The following PLCE1 variants were observed in gnomAD, a reference collection of about 807,000 sequenced individuals.
PLCE1 encodes phospholipase C epsilon 1, also known as 1-phosphatidylinositol 4,5-bisphosphate phosphodiesterase epsilon-1.
A neutral mutation model predicts 242.8 loss-of-function variants in PLCE1; 119 were observed. The observed-to-expected ratio is 0.49, with a 90% CI of 0.42 to 0.57. The LOEUF is 0.57. Among genes scored for constraint, PLCE1 ranks in the 20% least tolerant of loss-of-function variants. The probability of loss-of-function intolerance (pLI) is 0.00; values close to 1 mark genes in which losing one functional copy is unlikely to be tolerated. For missense variants in PLCE1, 2,441 were observed against 2,788.8 expected (o/e 0.88, Z 2.81); for synonymous variants, 945 against 1,017.4 (o/e 0.93, Z 1.35).
At chr10:94,284,764 G>A (rs2052376282) in intron 21 of PLCE1, 84 bp from the exon 22 acceptor site, 2 of 795,128 alleles carry the variant, frequency 2.5e-6, no homozygotes, top group South Asian at 1.4e-5. Flanking sequence ...AACACCAGAG[G>A]AGGACAGATA....
intron 22 of PLCE1, among the ~76,000 whole-genome samples, chr10:94,291,535 G>A (rs138398282): frequency 2.2e-3 from 329 of 152,270 alleles, no homozygotes; most frequent in African/African-American, 7.4e-3. Flanking sequence ...ACCTTGACTT[G>A]AACAGTTATG....
chr10:94,023,168 T>C (rs1935960), intron 1 of PLCE1, among the ~76,000 whole-genome samples: 21,229 of 152,094 alleles, frequency 0.14, 1,632 homozygotes, highest in East Asian at 0.22. Context: ...TTAAGCTGAA[T>C]GATGGAGTCA....
In PLCE1 at chr10:94,234,047, G is replaced by C; in HGVS notation, c.1956-7G>C. The C allele has an allele frequency of 6.8e-6, 11 of 1,611,646 alleles. No individual in the cohort carries two copies. Among genetic ancestry groups the C allele is most frequent in the Non-Finnish European group, 9.3e-6 (11 of 1,177,932 alleles). On this transcript the variant is annotated splice_polypyrimidine_tract_variant and splice_region_variant and intron_variant, in intron 5 of 32. Coordinates refer to ENST00000371380, the MANE Select transcript of PLCE1 (RefSeq NM_016341.4). ...TCAGTCTGAAAAATGTCATTTACTT[G>C]CAATAGGTCAAGAAAAGTTTTAAAA...
intron 2 of PLCE1, among the ~76,000 whole-genome samples, chr10:94,040,418 G>A (rs2061742900): frequency 1.3e-5 from 2 of 151,672 alleles, no homozygotes; most frequent in African/African-American, 4.9e-5. Context: ...GGCTGGGAAT[G>A]AGATTGTCAG....
chr10:94,304,584 A>G lies in PLCE1; in HGVS notation c.5561A>G (p.Gln1854Arg). Residue 1854 changes from glutamine (Q) to arginine (R), a missense_variant, in exon 25 of 33, where the codon CAG becomes CGG. By Grantham distance (43) the Gln-to-Arg change is conservative. Coordinates refer to ENST00000371380, the MANE Select transcript of PLCE1 (RefSeq NM_016341.4). The part of the protein sequence containing the change: ...VLWDKNCPMY[Q>R]KFSPLERDLD... ...TGGGACAAGAACTGCCCCATGTATC[A>G]GAAGTTTTCTCCACTAGAAAGAGAT... 6.2e-7 allele frequency: 1 copy of G among 1,614,124 alleles called. No homozygotes were observed. The highest frequency in any genetic ancestry group is 1.1e-5 in the South Asian group (1 of 91,088).
At chr10:94,043,000 C>T (rs778937246) in intron 2 of PLCE1, among the ~76,000 whole-genome samples, 2 of 152,192 alleles carry the variant, frequency 1.3e-5, no homozygotes, top group Non-Finnish European at 2.9e-5. Context: ...AAAGACATGA[C>T]TCAGTAGCAT....
chr10:94,255,955 C>A (rs1564834575), intron 11 of PLCE1, among the ~76,000 whole-genome samples: 1 of 139,316 alleles, frequency 7.2e-6, no homozygotes, highest in African/African-American at 2.6e-5. Context: ...CTCTCTCTCT[C>A]TCCCCACCCC....
At chr10:94,228,152 A>G (rs2050012415) in intron 5 of PLCE1, among the ~76,000 whole-genome samples, 1 of 152,186 alleles carries the variant, frequency 6.6e-6, no homozygotes, top group Non-Finnish European at 1.5e-5. Context: ...TGCTTTTTCC[A>G]TCAAGCTAAT....
intron 4 of PLCE1, among the ~76,000 whole-genome samples, chr10:94,181,768 A>G (rs2048319300): frequency 7.0e-6 from 1 of 143,110 alleles, no homozygotes; most frequent in Non-Finnish European, 1.5e-5. Flanking sequence ...AAATTAAAAA[A>G]TTGACAGGGC....
intron 4 of PLCE1, among the ~76,000 whole-genome samples, chr10:94,184,447 A>C (rs1024897082): frequency 6.6e-5 from 10 of 152,196 alleles, no homozygotes; most frequent in African/African-American, 2.2e-4. Flanking sequence ...GTCCTGCCTC[A>C]GCCTCTCTAG....
At chr10:94,283,976 G>T in intron 21 of PLCE1, 65 bp downstream of exon 21, 2 of 1,561,302 alleles carry the variant, frequency 1.3e-6, no homozygotes, top group Non-Finnish European at 1.8e-6. Context: ...TTTCAGATGA[G>T]ATTCCACTTG....
rs1202986485 is a variant in PLCE1, at chr10:94,119,372, C to T, written c.1207-12802C>T. On this transcript the variant is annotated intron_variant, in intron 2 of 32. Transcript: ENST00000371380. ...ATAACCCTCCAGCTGTATGCATGTC[C>T]ATATAGCTTGCATAGGTAGTTTGCT... is the stretch of plus-strand genomic sequence containing the variant. Among the ~76,000 whole-genome samples the T allele has an allele frequency of 2.0e-5, 3 of 152,072 alleles. No individual in the cohort carries two copies. In the South Asian group the frequency reaches 6.2e-4, roughly 31 times the overall value.
At chr10:94,003,271 A>T (rs2060966432) in intron 1 of PLCE1, among the ~76,000 whole-genome samples, 1 of 152,356 alleles carries the variant, frequency 6.6e-6, no homozygotes, top group East Asian at 1.9e-4. Flanking sequence ...CTTTTGGTTT[A>T]AAATAGTTTA....
At chr10:94,204,582 G>T (rs547514187) in intron 4 of PLCE1, among the ~76,000 whole-genome samples, 35 of 152,206 alleles carry the variant, frequency 2.3e-4, no homozygotes, top group African/African-American at 7.9e-4. Context: ...GCAGAGAATT[G>T]CTTGAACCCA....
chr10:94,003,918 C>T (rs1274621787), intron 1 of PLCE1, among the ~76,000 whole-genome samples: 2 of 152,038 alleles, frequency 1.3e-5, no homozygotes, highest in South Asian at 4.1e-4. Context: ...GAGGCTGAGG[C>T]GGGTGGATCA....
intron 2 of PLCE1, among the ~76,000 whole-genome samples, chr10:94,066,310 G>C (rs1459923869): frequency 2.0e-5 from 3 of 152,166 alleles, no homozygotes; most frequent in East Asian, 1.9e-4. Context: ...CAGGCACAAT[G>C]CTTGGCACAT....
chr10:94,108,882 T>C (rs1186715169), intron 2 of PLCE1: 1 of 152,260 alleles, frequency 6.6e-6, no homozygotes, highest in Non-Finnish European at 1.5e-5. Flanking sequence ...CCTCTTTGTA[T>C]GTTACTGCAT....
chr10:94,071,251 ACAC>A (rs1046587613), intron 2 of PLCE1, among the ~76,000 whole-genome samples: 1 of 152,058 alleles, frequency 6.6e-6, no homozygotes, highest in Non-Finnish European at 1.5e-5. Flanking sequence ...TGTCCCTCTC[ACAC>A]CATCCTGGCT....
At chr10:94,003,803 G>GA (rs2060980776) in intron 1 of PLCE1, among the ~76,000 whole-genome samples, 1 of 152,094 alleles carries the variant, frequency 6.6e-6, no homozygotes, top group Admixed American at 6.5e-5. Flanking sequence ...GTTAAATCAA[G>GA]GGTAGCCTCT....
Sources: allele counts gnomAD v4.1 joint callset (sites outside exome capture counted in the v4.1 genomes callset), GRCh38; gene constraint gnomAD v4.1.1; transcripts MANE v1.5; gene names NCBI Gene and HGNC (gene_info 2026-07-23, HGNC 2026-07-21).